Variants in SAP18 observed in about 807,000 individuals in gnomAD.
SAP18 encodes the protein Sin3A associated protein 18.
In SAP18, 4 loss-of-function variants were observed where a neutral mutation model predicts 18.6. The observed-to-expected ratio is 0.21, with a 90% confidence interval of 0.11 to 0.49. The LOEUF (loss-of-function observed/expected upper bound fraction) is 0.49, where lower values mean the gene tolerates loss of function less well. Ranked by LOEUF, SAP18 falls within the 20% of genes least tolerant of loss-of-function variation. The pLI, the probability that SAP18 is intolerant of heterozygous loss-of-function variation, is 0.98. For synonymous variants in SAP18, 112 were observed against 82.8 expected (o/e 1.35, Z -1.92); for missense variants, 170 against 226.4 (o/e 0.75, Z 1.60).
At chr13:21,146,503 G>GTA (rs1026451580) in intron 2 of SAP18, 1 of 199,436 alleles carries the variant, frequency 5.0e-6, no homozygotes, top group African/African-American at 2.3e-5. Context: ...TTACCCTTAG[G>GTA]TAAATCACTA....
chr13:21,142,208 A>G (rs975242817), intron 2 of SAP18, among the ~76,000 whole-genome samples: 1 of 149,520 alleles, frequency 6.7e-6, no homozygotes, highest in African/African-American at 2.5e-5. Context: ...GATCGCTTGA[A>G]CCTGGGAAGT....
At chr13:21,144,796 A>C (rs1672850221) in intron 2 of SAP18, among the ~76,000 whole-genome samples, 7 of 152,216 alleles carry the variant, frequency 4.6e-5, no homozygotes. Flanking sequence ...GACAGTCCTT[A>C]GAAGGTGGGA....
chr13:21,145,136 G>A (rs572101575), intron 2 of SAP18, among the ~76,000 whole-genome samples: 16 of 146,458 alleles, frequency 1.1e-4, no homozygotes, highest in African/African-American at 3.8e-4. Flanking sequence ...GCGCGATCTC[G>A]GCTCACTGCA....
intron 2 of SAP18, among the ~76,000 whole-genome samples, chr13:21,146,154 A>C (rs928699808): frequency 6.6e-6 from 1 of 152,114 alleles, no homozygotes; most frequent in Admixed American, 6.5e-5. Flanking sequence ...CGAGACCAGC[A>C]TGGCCAACAT....
intron 2 of SAP18, among the ~76,000 whole-genome samples, chr13:21,143,153 A>G (rs144582748): frequency 6.6e-6 from 1 of 152,212 alleles, no homozygotes; most frequent in Non-Finnish European, 1.5e-5. Context: ...CTTTTTTGCC[A>G]TTGTGAATAA....
intron 2 of SAP18, chr13:21,141,282 G>A: frequency 2.1e-6 from 1 of 465,988 alleles, no homozygotes; most frequent in Middle Eastern, 6.2e-4. Flanking sequence ...GTGATAGGTA[G>A]ATAAATATGT....
intron 2 of SAP18, among the ~76,000 whole-genome samples, chr13:21,143,668 C>T (rs1243657716): frequency 2.0e-5 from 3 of 152,028 alleles, no homozygotes; most frequent in African/African-American, 7.3e-5. Context: ...TCAGGGAAAG[C>T]GGATGAATAG....
exon 3 of SAP18, chr13:21,146,921 G>T (rs775015278): frequency 6.2e-7 from 1 of 1,606,870 alleles, no homozygotes. Context: ...AAAAGACCTG[G>T]CTATCGGTAG....
At chr13:21,144,277 T>C (rs1047875852) in intron 2 of SAP18, among the ~76,000 whole-genome samples, 20 of 151,716 alleles carry the variant, frequency 1.3e-4, no homozygotes, top group African/African-American at 4.4e-4. Flanking sequence ...TGGTGGCGGG[T>C]GCCTGTAATC....
intron 2 of SAP18, among the ~76,000 whole-genome samples, chr13:21,142,082 T>A (rs1465896420): frequency 1.4e-5 from 2 of 147,172 alleles, no homozygotes; most frequent in East Asian, 4.6e-4. Context: ...AGGTCAGGAG[T>A]TCGAGACCAG....
At chr13:21,145,565 G>GGC (rs1869621148) in intron 2 of SAP18, among the ~76,000 whole-genome samples, 1 of 152,142 alleles carries the variant, frequency 6.6e-6, no homozygotes, top group Non-Finnish European at 1.5e-5. Flanking sequence ...GGAGCACAGT[G>GGC]GCACAGTCTT....
At chr13:21,146,348 A>G (rs1477483153) in intron 2 of SAP18, 1 of 153,584 alleles carries the variant, frequency 6.5e-6, no homozygotes, top group Non-Finnish European at 1.4e-5. Flanking sequence ...CTCTCTCAAA[A>G]ACAAAACGTC....
intron 3 of SAP18, 26 bp downstream of exon 3, chr13:21,146,953 C>G (rs547308132): frequency 6.3e-7 from 1 of 1,587,616 alleles, no homozygotes; most frequent in African/African-American, 1.4e-5. Flanking sequence ...TTTTTAAGTC[C>G]TGTAATCTCT....
chr13:21,144,580 A>G (rs1331879067), intron 2 of SAP18, among the ~76,000 whole-genome samples: 1 of 152,144 alleles, frequency 6.6e-6, no homozygotes, highest in African/African-American at 2.4e-5. Context: ...TATATAGGAT[A>G]GACCTCTGAA....
chr13:21,141,239 T>A, intron 2 of SAP18: 1 of 549,002 alleles, frequency 1.8e-6, no homozygotes, highest in Non-Finnish European at 3.3e-6. Context: ...AGACCCAAGA[T>A]TGCTGTCACT....
chr13:21,140,337 G>GAA (rs1869395820), upstream of SAP18, among the ~76,000 whole-genome samples: 3 of 152,182 alleles, frequency 2.0e-5, no homozygotes, highest in Non-Finnish European at 4.4e-5. Flanking sequence ...AATATTTAAG[G>GAA]GAAAAAAACA....
At chr13:21,146,619 A>T in intron 2 of SAP18, 186 bp from the exon 3 acceptor site, 1 of 424,960 alleles carries the variant, frequency 2.4e-6, no homozygotes, top group Non-Finnish European at 4.2e-6. Flanking sequence ...TAAGGCTGGT[A>T]CATGGAGTTT....
At chr13:21,140,603 G>A (rs1404165148) in exon 1 of SAP18, 2 of 1,611,704 alleles carry the variant, frequency 1.2e-6, no homozygotes, top group Non-Finnish European at 1.7e-6. Context: ...CAGGCCGTAG[G>A]AGGAAGATGG....
At position 21,140,957 on chromosome 13, in the gene SAP18, G is replaced by A. The variant is rs542131373; in HGVS notation, c.201G>A (p.Arg67=). Reference sequence around the variant, plus strand: ...ACCACCGAATGGACGAGTTCTCCCGGGGAAATGTACCGTCCAGCGAGTTGC... The same window carrying A: ...ACCACCGAATGGACGAGTTCTCCCGAGGAAATGTACCGTCCAGCGAGTTGC... Residue 67 remains arginine, a synonymous_variant, in exon 2 of 4, where the codon CGG becomes CGA. Transcript: ENST00000621421. 1.9e-4 allele frequency: 306 copies of A among 1,609,812 alleles called. 1 individual carries two copies. The South Asian group carries it at 2.4e-3, about 13-fold the overall frequency.
Sources: allele counts gnomAD v4.1 joint callset (sites outside exome capture counted in the v4.1 genomes callset), GRCh38; gene constraint gnomAD v4.1.1; transcripts MANE v1.5; gene names NCBI Gene and HGNC (gene_info 2026-07-23, HGNC 2026-07-21).